The following INPP4B variants were observed in gnomAD, a reference collection of about 807,000 sequenced individuals.
INPP4B encodes inositol polyphosphate-4-phosphatase type II B.
Under a neutral mutation model 122.5 loss-of-function variants are expected in INPP4B, and 55 were observed. That is an observed-to-expected ratio of 0.45 (90% CI 0.36 to 0.56). The LOEUF (loss-of-function observed/expected upper bound fraction) is 0.56. INPP4B is among the 20% of genes least tolerant of loss of function. The probability of loss-of-function intolerance (pLI) is 0.00; values close to 1 mark genes in which losing one functional copy is unlikely to be tolerated. For missense variants in INPP4B, 1,000 were observed against 1,097.7 expected, an observed-to-expected ratio of 0.91 and a Z score of 1.26; for synonymous variants, 403 against 388.7, an observed-to-expected ratio of 1.04 and a Z score of -0.43.
rs188945503 is a variant in INPP4B, at chr4:142,777,440, G to A, written c.-253-51539C>T. ...GAGGGCCTGAGTCCTGCAATACCAA[G>A]GAACTGAGTTCTGCCAATAATCACA... On this transcript the variant is annotated intron_variant, in intron 1 of 25. Coordinates refer to ENST00000262992, the MANE Select transcript of INPP4B (RefSeq NM_001101669.3). Among the ~76,000 whole-genome samples the A allele has an allele frequency of 1.1e-3, 168 of 152,158 alleles. 3 individuals carry two copies. In the South Asian group the frequency reaches 0.026, roughly 23 times the overall value.
intron 9 of INPP4B, among the ~76,000 whole-genome samples, chr4:142,305,248 G>T (rs1386099310): frequency 6.6e-6 from 1 of 151,430 alleles, no homozygotes; most frequent in African/African-American, 2.4e-5. Context: ...TTCTTATAAG[G>T]GCTAATAACA....
intron 2 of INPP4B, among the ~76,000 whole-genome samples, chr4:142,640,800 T>C (rs78140193): frequency 0.012 from 1,754 of 151,860 alleles, 31 homozygotes; most frequent in African/African-American, 0.032. Flanking sequence ...ATAGCCAAAT[T>C]GTCAATAATC....
chr4:142,531,487 G>C (rs1827608316), intron 2 of INPP4B, among the ~76,000 whole-genome samples: 1 of 152,060 alleles, frequency 6.6e-6, no homozygotes, highest in Admixed American at 6.6e-5. Flanking sequence ...AACTTGAAAT[G>C]GTATTGGAAA....
intron 1 of INPP4B, among the ~76,000 whole-genome samples, chr4:142,809,639 T>G (rs917220428): frequency 6.6e-6 from 1 of 152,120 alleles, no homozygotes; most frequent in East Asian, 1.9e-4. Context: ...AAGTACTGAC[T>G]CAAATGCAAA....
chr4:142,669,205 A>G (rs1259222732), intron 2 of INPP4B, among the ~76,000 whole-genome samples: 1 of 152,234 alleles, frequency 6.6e-6, no homozygotes, highest in African/African-American at 2.4e-5. Context: ...GTGTTCTTTG[A>G]TTGGAAGAAT....
At chr4:142,593,621 A>G (rs372125509) in intron 2 of INPP4B, among the ~76,000 whole-genome samples, 5 of 152,160 alleles carry the variant, frequency 3.3e-5, no homozygotes, top group African/African-American at 1.2e-4. Context: ...GCCTGGTGCC[A>G]GTAAAACTCC....
At chr4:142,377,469 A>T (rs182820201) in intron 7 of INPP4B, among the ~76,000 whole-genome samples, 1 of 152,200 alleles carries the variant, frequency 6.6e-6, no homozygotes, top group Non-Finnish European at 1.5e-5. Flanking sequence ...AGAAGAGTGA[A>T]AAAGAGGGAC....
intron 11 of INPP4B, among the ~76,000 whole-genome samples, chr4:142,248,081 C>A (rs1303049959): frequency 6.6e-6 from 1 of 152,072 alleles, no homozygotes; most frequent in African/African-American, 2.4e-5. Context: ...GCACCTTCCA[C>A]TCCCAGGATA....
At chr4:142,060,882 CTG>C (rs1760282542) in intron 25 of INPP4B, among the ~76,000 whole-genome samples, 2 of 152,188 alleles carry the variant, frequency 1.3e-5, no homozygotes, top group South Asian at 2.1e-4. Flanking sequence ...TTATTTTACT[CTG>C]TGTTCTTCAT....
intron 7 of INPP4B, among the ~76,000 whole-genome samples, chr4:142,335,108 GAAAAAAAAA>G (rs36074851): frequency 4.6e-5 from 3 of 65,130 alleles, no homozygotes; most frequent in Non-Finnish European, 8.1e-5. Context: ...TGGGAAAAAT[GAAAAAAAAA>G]AAAAAAAAAA....
intron 9 of INPP4B, among the ~76,000 whole-genome samples, chr4:142,293,254 G>C (rs1303991905): frequency 6.6e-6 from 1 of 151,816 alleles, no homozygotes; most frequent in Non-Finnish European, 1.5e-5. Flanking sequence ...TGGCCAGGCT[G>C]GTCTCAAACT....
At chr4:142,327,443 G>A (rs190742229) in intron 7 of INPP4B, among the ~76,000 whole-genome samples, 1,629 of 142,830 alleles carry the variant, frequency 0.011, 39 homozygotes, top group African/African-American at 0.039. Flanking sequence ...TACATGAATC[G>A]AAAAAAAAAA....
chr4:142,573,109 G>T (rs1271303453), intron 2 of INPP4B, among the ~76,000 whole-genome samples: 2 of 151,976 alleles, frequency 1.3e-5, no homozygotes. Flanking sequence ...GGGAAGCAAG[G>T]ACATCTTACC....
chr4:142,070,157 C>A (rs548985811), intron 25 of INPP4B, among the ~76,000 whole-genome samples: 1 of 152,292 alleles, frequency 6.6e-6, no homozygotes, highest in East Asian at 1.9e-4. Context: ...TTGGCTTCAT[C>A]CCTGGGATGC....
At chr4:142,764,879 G>A (rs1032530549) in intron 1 of INPP4B, among the ~76,000 whole-genome samples, 9 of 152,038 alleles carry the variant, frequency 5.9e-5, no homozygotes, top group Admixed American at 1.3e-4. Flanking sequence ...TAAGACGTTC[G>A]CTTGGTTAGA....
intron 2 of INPP4B, among the ~76,000 whole-genome samples, chr4:142,607,287 A>G (rs868833551): frequency 2.0e-5 from 3 of 152,114 alleles, no homozygotes; most frequent in Non-Finnish European, 2.9e-5. Context: ...TTTTATTTAC[A>G]TATAAAAGTA....
intron 7 of INPP4B, among the ~76,000 whole-genome samples, chr4:142,332,990 G>A (rs1481476896): frequency 8.2e-6 from 1 of 121,278 alleles, no homozygotes; most frequent in Non-Finnish European, 1.6e-5. Context: ...CAGCCTGGGC[G>A]ACAGAGCAAG....
At chr4:142,292,092 C>T (rs1158544534) in intron 9 of INPP4B, among the ~76,000 whole-genome samples, 3 of 151,852 alleles carry the variant, frequency 2.0e-5, no homozygotes, top group Non-Finnish European at 4.4e-5. Flanking sequence ...GTGGGAGTAC[C>T]GAAAAAGGAG....
chr4:142,483,842 A>G lies in INPP4B; in HGVS notation c.-190-21116T>C, dbSNP rs188291178. On this transcript the variant is annotated intron_variant, in intron 2 of 25. Transcript: ENST00000262992. ...AATGGAAAGAAAATATATCCACAGG[A>G]TCCAGGGCTCTGAATTAATTAGAAA... is the stretch of plus-strand genomic sequence containing the variant. Among the ~76,000 whole-genome samples, 8 of 152,228 alleles carry G rather than the reference A, an allele frequency of 5.3e-5. No individual in the cohort carries two copies. The East Asian group carries it at 1.5e-3, about 29-fold the overall frequency.
Sources: gnomAD v4.1 joint callset for allele counts (sites outside exome capture counted in the v4.1 genomes callset) on GRCh38, gnomAD v4.1.1 for gene constraint, MANE v1.5 for transcripts, NCBI Gene and HGNC (gene_info 2026-07-23, HGNC 2026-07-21) for gene names.